The following EGLN1 variants were observed in gnomAD, a reference collection of about 807,000 sequenced individuals.
EGLN1 encodes the protein egl-9 family hypoxia inducible factor 1.
Under a neutral mutation model 38.3 loss-of-function variants are expected in EGLN1, and 17 were observed. The observed-to-expected ratio is 0.44, with a 90% CI of 0.30 to 0.67. The LOEUF is 0.67. Ranked by LOEUF, EGLN1 falls within the 30% of genes least tolerant of loss-of-function variation. The pLI is 0.08. For synonymous variants in EGLN1, 283 were observed against 257.5 expected, an observed-to-expected ratio of 1.10 and a Z score of -0.95; for missense variants, 477 against 603.3, an observed-to-expected ratio of 0.79 and a Z score of 2.19.
At chr1:231,379,344 C>T (rs952422718) in intron 1 of EGLN1, among the ~76,000 whole-genome samples, 4 of 152,156 alleles carry the variant, frequency 2.6e-5, no homozygotes, top group African/African-American at 9.7e-5. Flanking sequence ...TTCTTGGAAA[C>T]TTTATGTGAA....
intron 1 of EGLN1, among the ~76,000 whole-genome samples, chr1:231,379,385 T>C (rs1688028631): frequency 6.6e-6 from 1 of 152,260 alleles, no homozygotes; most frequent in Non-Finnish European, 1.5e-5. Context: ...CTTAAGTTTC[T>C]ACAGCATATT....
At chr1:231,400,880 T>A (rs891369544) in intron 1 of EGLN1, among the ~76,000 whole-genome samples, 4 of 151,990 alleles carry the variant, frequency 2.6e-5, no homozygotes, top group Non-Finnish European at 5.9e-5. Flanking sequence ...TGAAACCCCA[T>A]CTCTACAAAT....
chr1:231,421,799 C>G lies in EGLN1; in HGVS notation c.90G>C (p.Leu30=). Residue 30 remains leucine (L), a synonymous_variant, in exon 1 of 5, where the codon CTG becomes CTC. Transcript: ENST00000366641. The surrounding 1 kb of genome is among the most constrained non-coding windows in gnomAD (Gnocchi z 5.5). ...AGCTGCGGCAGCGGCTGCAGCGCAGCAGGTTCTCCATCTTCCCGCACAGCT... is the reference window on the plus strand; with the variant it reads ...AGCTGCGGCAGCGGCTGCAGCGCAGGAGGTTCTCCATCTTCCCGCACAGCT... ...YCELCGKMEN[L]LRCSRCRSSF... 1 of 1,559,764 alleles carries G rather than the reference C, an allele frequency of 6.4e-7. No homozygotes were observed. The highest frequency in any genetic ancestry group is 8.6e-7 in the Non-Finnish European group (1 of 1,162,998).
At chr1:231,406,399 G>A (rs1389911345) in intron 1 of EGLN1, among the ~76,000 whole-genome samples, 1 of 152,050 alleles carries the variant, frequency 6.6e-6, no homozygotes, top group Non-Finnish European at 1.5e-5. Flanking sequence ...CCTAGCAAAT[G>A]TGTCTGGAGA....
chr1:231,391,363 T>C (rs1467137153), intron 1 of EGLN1, among the ~76,000 whole-genome samples: 1 of 151,990 alleles, frequency 6.6e-6, no homozygotes, highest in African/African-American at 2.4e-5. Flanking sequence ...ATAAAAACAC[T>C]AGAATTTTAA....
chr1:231,420,457 C>T (rs1656541748), intron 1 of EGLN1: 1 of 180,246 alleles, frequency 5.5e-6, no homozygotes. Context: ...TTCCTGAATA[C>T]AGAGTCTTTC....
chr1:231,422,093 AGCCGCCTCAGCGCCTCATC>A lies in EGLN1; in HGVS notation c.-224_-206del. Reference sequence around the variant, plus strand: ...TCCTAAGCTCCGGCGCAGCGCCGGCAGCCGCCTCAGCGCCTCATCGCCGCCGAGGGCTGAGAGAATAGGG... The same window carrying A: ...TCCTAAGCTCCGGCGCAGCGCCGGCAGCCGCCGAGGGCTGAGAGAATAGGG... On this transcript the variant is annotated 5_prime_UTR_variant, in exon 1 of 5. The change abolishes an upstream ATG in the 5' untranslated region. Coordinates refer to ENST00000366641, the MANE Select transcript of EGLN1 (RefSeq NM_022051.3). 2.3e-6 allele frequency: 1 copy of A among 430,030 alleles called. No homozygotes were observed. The highest frequency in any genetic ancestry group is 3.9e-6 in the Non-Finnish European group (1 of 255,020). 26.6% of individuals were successfully genotyped at this position (430,030 alleles called of 1,614,324 possible).
At chr1:231,402,854 AG>A (rs1688696562) in intron 1 of EGLN1, among the ~76,000 whole-genome samples, 1 of 151,962 alleles carries the variant, frequency 6.6e-6, no homozygotes, top group Non-Finnish European at 1.5e-5. Flanking sequence ...CATTTACAGA[AG>A]AAAAAAAAAA....
At position 231,367,551 on chromosome 1, in the gene EGLN1, G is replaced by A. The variant is rs1382596886; in HGVS notation, c.1216+18C>T. 1.2e-6 allele frequency: 2 copies of A among 1,612,924 alleles called. No homozygotes were observed. The highest frequency in any genetic ancestry group is 1.7e-6 in the Non-Finnish European group (2 of 1,179,198). On this transcript the variant is annotated intron_variant, in intron 4 of 4. Transcript: ENST00000366641. ...GGTATTTCTGTACCAATATATCCTGGCCCCAAATGACGTTTACCTGTTAGA... is the reference window on the plus strand; with the variant it reads ...GGTATTTCTGTACCAATATATCCTGACCCCAAATGACGTTTACCTGTTAGA...
At chr1:231,417,002 G>A (rs1014405353) in intron 1 of EGLN1, among the ~76,000 whole-genome samples, 1 of 152,172 alleles carries the variant, frequency 6.6e-6, no homozygotes, top group African/African-American at 2.4e-5. Flanking sequence ...ATGTATTTAG[G>A]TTTAAATAAC....
chr1:231,418,652 C>T (rs1014266943), intron 1 of EGLN1, among the ~76,000 whole-genome samples: 4 of 151,992 alleles, frequency 2.6e-5, no homozygotes, highest in African/African-American at 7.2e-5. Context: ...TCCCCTGAGC[C>T]GAGGAGTTCG....
At chr1:231,366,602 T>C (rs1558376147) in intron 4 of EGLN1, 127 bp from the exon 5 acceptor site, 1 of 948,484 alleles carries the variant, frequency 1.1e-6, no homozygotes, top group South Asian at 1.4e-5. Flanking sequence ...ATCTGAGAAC[T>C]ATCACGCTTG....
chr1:231,413,508 T>C (rs1425481866), intron 1 of EGLN1, among the ~76,000 whole-genome samples: 1 of 152,240 alleles, frequency 6.6e-6, no homozygotes, highest in Non-Finnish European at 1.5e-5. Flanking sequence ...ACCAATCTTA[T>C]CTAAAAGAGT....
chr1:231,380,609 A>G (rs928588571), intron 1 of EGLN1, among the ~76,000 whole-genome samples: 8 of 152,200 alleles, frequency 5.3e-5, no homozygotes, highest in Admixed American at 2.0e-4. Flanking sequence ...TTAAATTACT[A>G]TAAGTGAAAT....
At chr1:231,400,495 A>AT (rs1688639113) in intron 1 of EGLN1, among the ~76,000 whole-genome samples, 1 of 152,146 alleles carries the variant, frequency 6.6e-6, no homozygotes, top group Admixed American at 6.6e-5. Flanking sequence ...TATCTTAGTA[A>AT]ATGTTTAAGG....
intron 1 of EGLN1, among the ~76,000 whole-genome samples, chr1:231,418,017 T>C (rs1040159276): frequency 2.6e-4 from 40 of 152,194 alleles, no homozygotes; most frequent in African/African-American, 9.2e-4. Flanking sequence ...AAAAAAGGGA[T>C]ACAACCACCT....
intron 1 of EGLN1, among the ~76,000 whole-genome samples, chr1:231,386,740 T>A (rs1426083203): frequency 1.3e-5 from 2 of 152,170 alleles, no homozygotes; most frequent in African/African-American, 4.8e-5. Context: ...AGAACAGAGA[T>A]GATAGATTAG....
chr1:231,370,514 C>T lies in EGLN1; in HGVS notation c.1148+48G>A, dbSNP rs766135279. 2.5e-6 allele frequency: 4 copies of T among 1,602,738 alleles called. No homozygotes were observed. The African/African-American group carries it at 5.4e-5, about 21-fold the overall frequency. On this transcript the variant is annotated intron_variant, in intron 3 of 4. Coordinates refer to ENST00000366641, the MANE Select transcript of EGLN1 (RefSeq NM_022051.3). ...TTCACGTTTACTCTACAGATTCCCT[C>T]CTGTCCTACCATACTCTAAACCAAT...
At chr1:231,404,613 A>T (rs1688742067) in intron 1 of EGLN1, among the ~76,000 whole-genome samples, 1 of 147,448 alleles carries the variant, frequency 6.8e-6, no homozygotes, top group South Asian at 2.1e-4. Context: ...CCCCGTCTCT[A>T]AAAAAAAAAT....
Sources: gnomAD v4.1 joint callset for allele counts (sites outside exome capture counted in the v4.1 genomes callset) on GRCh38, gnomAD v4.1.1 for gene constraint, Gnocchi (gnomAD v3.1) non-coding constraint, MANE v1.5 for transcripts, NCBI Gene and HGNC (gene_info 2026-07-23, HGNC 2026-07-21) for gene names.